The following FRY variants were observed in gnomAD, a reference collection of about 807,000 sequenced individuals.
FRY encodes the protein protein furry homolog.
Under a neutral mutation model 348.4 loss-of-function variants are expected in FRY, and 128 were observed. The observed-to-expected ratio is 0.37, with a 90% CI of 0.32 to 0.43. The LOEUF (loss-of-function observed/expected upper bound fraction) is 0.43, where lower values mean the gene tolerates loss of function less well. Ranked by LOEUF, FRY falls within the 20% of genes least tolerant of loss-of-function variation. FRY has a pLI of 1.00. For synonymous variants in FRY, 1,370 were observed against 1,374.7 expected, an observed-to-expected ratio of 1.00 and a Z score of 0.08; for missense variants, 2,736 against 3,695.2, an observed-to-expected ratio of 0.74 and a Z score of 6.73.
chr13:32,216,613 A>G (rs990883772), intron 35 of FRY, among the ~76,000 whole-genome samples: 1 of 152,198 alleles, frequency 6.6e-6, no homozygotes, highest in African/African-American at 2.4e-5. Context: ...CCATTTTTTC[A>G]TCACCCTGCT....
intron 3 of FRY, among the ~76,000 whole-genome samples, chr13:32,103,437 A>G (rs1877296975): frequency 6.6e-6 from 1 of 152,218 alleles, no homozygotes; most frequent in East Asian, 1.9e-4. Context: ...GTTCTCACTC[A>G]TAGGTAGGAA....
At chr13:32,217,863 G>T (rs897767863) in intron 35 of FRY, among the ~76,000 whole-genome samples, 16 of 152,014 alleles carry the variant, frequency 1.1e-4, no homozygotes, top group Non-Finnish European at 2.4e-4. Flanking sequence ...TTTTGTTTTT[G>T]TTTTGTTTGT....
At chr13:32,228,727 A>G (rs1341894885) in intron 40 of FRY, 73 bp downstream of exon 40, 4 of 1,252,302 alleles carry the variant, frequency 3.2e-6, no homozygotes, top group Non-Finnish European at 4.7e-6. Context: ...TTTAAACCAC[A>G]CAGATGGAAA....
chr13:32,227,951 C>T (rs761087416), intron 39 of FRY, among the ~76,000 whole-genome samples: 3 of 152,132 alleles, frequency 2.0e-5, no homozygotes, highest in Non-Finnish European at 2.9e-5. Flanking sequence ...AGGGTTTCAC[C>T]ATGCTAGCCA....
intron 3 of FRY, among the ~76,000 whole-genome samples, chr13:32,113,429 A>G (rs988056277): frequency 2.6e-5 from 4 of 152,262 alleles, no homozygotes; most frequent in Non-Finnish European, 5.9e-5. Context: ...TAGCTGCAGC[A>G]TAACAGTCTC....
intron 3 of FRY, among the ~76,000 whole-genome samples, chr13:32,116,612 T>A (rs78363510): frequency 0.13 from 19,132 of 152,158 alleles, 1,408 homozygotes; most frequent in East Asian, 0.26. Flanking sequence ...TATACTTAAA[T>A]TTATGAGGCA....
At chr13:32,096,320 G>A (rs1314357500) in intron 2 of FRY, among the ~76,000 whole-genome samples, 2 of 151,960 alleles carry the variant, frequency 1.3e-5, no homozygotes, top group African/African-American at 4.8e-5. Flanking sequence ...ACTTCCAACT[G>A]TGTACTAGGG....
intron 1 of FRY, among the ~76,000 whole-genome samples, chr13:32,063,194 G>A (rs1874047395): frequency 6.6e-6 from 1 of 152,088 alleles, no homozygotes; most frequent in South Asian, 2.1e-4. Context: ...CACTGTCTTT[G>A]GCAGACCCCC....
chr13:32,235,114 T>C (rs1050564018), intron 42 of FRY, among the ~76,000 whole-genome samples: 3 of 152,120 alleles, frequency 2.0e-5, no homozygotes, highest in African/African-American at 4.8e-5. Flanking sequence ...TTATACAGTC[T>C]CCCTACCCAG....
chr13:32,132,647 A>T (rs1208535344), intron 8 of FRY, among the ~76,000 whole-genome samples: 1 of 152,212 alleles, frequency 6.6e-6, no homozygotes. Context: ...AAATAGCAAA[A>T]CCTAGAATTA....
rs762954477 is a variant in FRY at position 32,211,022 on chromosome 13, G to A, written c.4579G>A (p.Ala1527Thr). ...YRFTASSKASAAASGTTSSSN... is the reference protein window; with the variant it reads ...YRFTASSKASTAASGTTSSSN... ...CTTCACGGCCAGTAGCAAGGCTTCC[G>A]CAGCAGCCTCAGGTAAGAAGAGCAA... Residue 1527 changes from alanine to threonine, a missense_variant, in exon 34 of 61, where the codon GCA becomes ACA. By Grantham distance (58) the Ala-to-Thr change is moderately conservative. Around this residue, in one of 9 missense-constraint regions of FRY, gnomAD observed 794 missense variants for 977.0 expected, o/e 0.81. Transcript: ENST00000542859. 1.2e-6 allele frequency: 2 copies of A among 1,613,858 alleles called. No homozygotes were observed. Among genetic ancestry groups the A allele is most frequent in the African/African-American group, 1.3e-5 (1 of 74,924 alleles).
intron 20 of FRY, among the ~76,000 whole-genome samples, chr13:32,176,788 G>A (rs902515607): frequency 1.3e-5 from 2 of 152,256 alleles, no homozygotes; most frequent in African/African-American, 4.8e-5. Context: ...GAAACGGGGA[G>A]AGAGTAATGG....
chr13:32,184,587 T>C lies in FRY; in HGVS notation c.3055-13T>C, dbSNP rs756175706. On this transcript the variant is annotated splice_polypyrimidine_tract_variant and intron_variant, in intron 24 of 60. Coordinates refer to ENST00000542859, the MANE Select transcript of FRY (RefSeq NM_023037.3). Reference sequence around the variant, plus strand: ...GCCTGTGTCTGTAAGTGATACTACCTCTTTCTACACAGAACAAGAAACGCC... The same window carrying C: ...GCCTGTGTCTGTAAGTGATACTACCCCTTTCTACACAGAACAAGAAACGCC... 6.4e-7 allele frequency: 1 copy of C among 1,560,812 alleles called. No individual in the cohort carries two copies. Among genetic ancestry groups the C allele is most frequent in the Non-Finnish European group, 8.8e-7 (1 of 1,131,576 alleles).
At chr13:32,222,765 G>T (rs1438990468) in intron 36 of FRY, among the ~76,000 whole-genome samples, 3 of 152,202 alleles carry the variant, frequency 2.0e-5, no homozygotes, top group Admixed American at 1.3e-4. Context: ...CTATCATTGG[G>T]CCATTAATAT....
rs551905468 is a variant in FRY at position 32,096,740 on chromosome 13, C to T, written c.271-5223C>T. Among the ~76,000 whole-genome samples, 37 of 131,938 alleles carry T rather than the reference C, an allele frequency of 2.8e-4. No homozygotes were observed. The South Asian group carries it at 5.2e-3, about 19-fold the overall frequency. 86.6% of individuals were successfully genotyped at this position (131,938 alleles called of 152,430 possible). On this transcript the variant is annotated intron_variant, in intron 2 of 60. Coordinates refer to ENST00000542859, the MANE Select transcript of FRY (RefSeq NM_023037.3). ...ATCTCTTGAATGCAGGAGGCAGAGGCGGCAGTGAGCTGAGATCATGCCACT... is the reference window on the plus strand; with the variant it reads ...ATCTCTTGAATGCAGGAGGCAGAGGTGGCAGTGAGCTGAGATCATGCCACT...
chr13:32,179,704 G>A lies in FRY; in HGVS notation c.2901G>A (p.Leu967=). 2 of 1,613,948 alleles carry A rather than the reference G, an allele frequency of 1.2e-6. No homozygotes were observed. The highest frequency in any genetic ancestry group is 1.7e-6 in the Non-Finnish European group (2 of 1,179,820). ...TAGGCACCCCATCGGTGGGAGTTCT[G>A]TTAAAGCAGTTGGTGCCTTTGATGA... The part of the protein sequence containing the change: ...KAIGTPSVGV[L]LKQLVPLMRL... The change falls in exon 23 of 61, where the codon CTG becomes CTA. Residue 967 remains leucine (L), a synonymous_variant. Transcript: ENST00000542859.
At chr13:32,069,786 C>A (rs907931479) in intron 1 of FRY, among the ~76,000 whole-genome samples, 1 of 152,134 alleles carries the variant, frequency 6.6e-6, no homozygotes, top group African/African-American at 2.4e-5. Flanking sequence ...CATAGGTATA[C>A]ATGCGCCATG....
In FRY at chr13:32,239,621, C is replaced by G. The variant is rs1886396085; in HGVS notation, c.6517-90C>G. 1 of 903,446 alleles carries G rather than the reference C, an allele frequency of 1.1e-6. No homozygotes were observed. Among genetic ancestry groups the G allele is most frequent in the African/African-American group, 1.7e-5 (1 of 60,416 alleles). 56.0% of individuals were successfully genotyped at this position (903,446 alleles called of 1,614,324 possible). On this transcript the variant is annotated intron_variant, in intron 45 of 60. Transcript: ENST00000542859. This position sits in a 1 kb window ranked among gnomAD's most constrained non-coding sequence, Gnocchi z 4.3. ...ACCAAAAAGTGTATCAATCTACTTTCCAGATGGCCAGAGCTTATAGTAAAA... is the reference window on the plus strand; with the variant it reads ...ACCAAAAAGTGTATCAATCTACTTTGCAGATGGCCAGAGCTTATAGTAAAA...
At chr13:32,170,630 A>G (rs1409397569) in intron 17 of FRY, among the ~76,000 whole-genome samples, 1 of 152,112 alleles carries the variant, frequency 6.6e-6, no homozygotes, top group Non-Finnish European at 1.5e-5. Context: ...TCAGCCTCCC[A>G]GGTTCATGCC....
Sources: gnomAD v4.1 joint callset for allele counts (sites outside exome capture counted in the v4.1 genomes callset) on GRCh38, gnomAD v4.1.1 for gene constraint, gnomAD v4.1.1 regional missense constraint, Gnocchi (gnomAD v3.1) non-coding constraint, MANE v1.5 for transcripts, NCBI Gene and HGNC (gene_info 2026-07-23, HGNC 2026-07-21) for gene names.